The following MDGA2 variants were observed in gnomAD, a reference collection of about 807,000 sequenced individuals.
MDGA2 encodes the protein MAM domain containing glycosylphosphatidylinositol anchor 2.
Under a neutral mutation model 117.8 loss-of-function variants are expected in MDGA2, and 40 were observed. The observed-to-expected ratio is 0.34, with a 90% CI of 0.26 to 0.44. The LOEUF is 0.44. Among genes scored for constraint, MDGA2 ranks in the 20% least tolerant of loss-of-function variants. MDGA2 has a pLI of 1.00. For missense variants in MDGA2, 1,123 were observed against 1,250.6 expected, an observed-to-expected ratio of 0.90 and a Z score of 1.54; for synonymous variants, 452 against 439.0, an observed-to-expected ratio of 1.03 and a Z score of -0.37.
intron 1 of MDGA2, among the ~76,000 whole-genome samples, chr14:47,455,868 G>A (rs1359927124): frequency 5.3e-5 from 8 of 151,802 alleles, no homozygotes; most frequent in Admixed American, 2.6e-4. Context: ...ATAGTGGTGG[G>A]TGCCTGTAAT....
chr14:47,635,650 A>G (rs1594955088), intron 1 of MDGA2, among the ~76,000 whole-genome samples: 1 of 152,330 alleles, frequency 6.6e-6, no homozygotes, highest in East Asian at 1.9e-4. Flanking sequence ...CTGGGTACAA[A>G]GGACTGTGGC....
chr14:47,030,238 C>T (rs983120159), intron 8 of MDGA2, among the ~76,000 whole-genome samples: 6 of 151,974 alleles, frequency 3.9e-5, no homozygotes, highest in African/African-American at 1.5e-4. Context: ...GTTGTTCAGG[C>T]GCAGTGACTC....
At chr14:47,127,720 A>T (rs1182747605) in intron 5 of MDGA2, among the ~76,000 whole-genome samples, 1 of 152,156 alleles carries the variant, frequency 6.6e-6, no homozygotes, top group Non-Finnish European at 1.5e-5. Context: ...TAAAGCTGAA[A>T]GGTTAAATAA....
intron 1 of MDGA2, chr14:47,626,277 T>C (rs796865340): frequency 6.6e-6 from 1 of 152,396 alleles, no homozygotes; most frequent in African/African-American, 2.4e-5. Flanking sequence ...GTCTCCTGAA[T>C]TCTGGACAAC....
At chr14:47,288,393 T>C (rs1226074019) in intron 2 of MDGA2, among the ~76,000 whole-genome samples, 3 of 152,102 alleles carry the variant, frequency 2.0e-5, no homozygotes, top group Non-Finnish European at 4.4e-5. Flanking sequence ...ATGTATCGTA[T>C]CAACACAAAA....
At chr14:47,486,888 G>A (rs1894072297) in intron 1 of MDGA2, among the ~76,000 whole-genome samples, 1 of 152,116 alleles carries the variant, frequency 6.6e-6, no homozygotes, top group African/African-American at 2.4e-5. Flanking sequence ...ACATTGTCCA[G>A]TCTCAGATAT....
chr14:47,430,325 T>G (rs1892774324), intron 1 of MDGA2, among the ~76,000 whole-genome samples: 1 of 152,026 alleles, frequency 6.6e-6, no homozygotes, highest in African/African-American at 2.4e-5. Flanking sequence ...TTCTTTTTGT[T>G]TGTTTGTTTT....
At chr14:47,498,152 G>A (rs1439126357) in intron 1 of MDGA2, among the ~76,000 whole-genome samples, 2 of 152,260 alleles carry the variant, frequency 1.3e-5, no homozygotes, top group East Asian at 1.9e-4. Context: ...AGCAGAAGGA[G>A]CAGAGATGAA....
chr14:47,277,994 G>T (rs1888359116), intron 2 of MDGA2, among the ~76,000 whole-genome samples: 1 of 152,076 alleles, frequency 6.6e-6, no homozygotes, highest in Non-Finnish European at 1.5e-5. Flanking sequence ...CCAGCAGAGG[G>T]GAAAAAGAGT....
At chr14:47,160,070 T>G (rs1290802586) in intron 3 of MDGA2, among the ~76,000 whole-genome samples, 1 of 152,170 alleles carries the variant, frequency 6.6e-6, no homozygotes, top group African/African-American at 2.4e-5. Flanking sequence ...CTAATTTTAT[T>G]TTCTTTTGAT....
At chr14:46,946,908 A>G (rs546718371) in intron 9 of MDGA2, among the ~76,000 whole-genome samples, 1 of 152,072 alleles carries the variant, frequency 6.6e-6, no homozygotes, top group East Asian at 1.9e-4. Flanking sequence ...CCTTCCCCTT[A>G]TATCCTCATA....
chr14:47,200,785 C>T, intron 3 of MDGA2: 1 of 829,448 alleles, frequency 1.2e-6, no homozygotes, highest in Non-Finnish European at 2.0e-6. Context: ...GTTAGGCAAA[C>T]TTTCTTGCAG....
At chr14:47,465,499 C>T (rs907622390) in intron 1 of MDGA2, among the ~76,000 whole-genome samples, 3 of 151,986 alleles carry the variant, frequency 2.0e-5, no homozygotes, top group Non-Finnish European at 4.4e-5. Context: ...AACAAACAAC[C>T]CCATTAAAAT....
At chr14:47,074,525 C>T (rs1196392904) in intron 6 of MDGA2, among the ~76,000 whole-genome samples, 1 of 152,196 alleles carries the variant, frequency 6.6e-6, no homozygotes, top group Non-Finnish European at 1.5e-5. Context: ...TGGTCTCGAT[C>T]TCCTGACCTC....
intron 2 of MDGA2, among the ~76,000 whole-genome samples, chr14:47,227,659 A>T (rs1886554474): frequency 6.6e-6 from 1 of 150,568 alleles, no homozygotes; most frequent in African/African-American, 2.4e-5. Context: ...GTAATGATTA[A>T]AAAAAAAAAT....
At chr14:47,649,215 T>C (rs1024064716) in intron 1 of MDGA2, among the ~76,000 whole-genome samples, 5 of 152,188 alleles carry the variant, frequency 3.3e-5, no homozygotes, top group African/African-American at 1.2e-4. Context: ...AATTGCAACT[T>C]ACTACTGGAA....
chr14:47,354,299 T>TGG (rs1427563846), intron 1 of MDGA2, among the ~76,000 whole-genome samples: 1 of 152,166 alleles, frequency 6.6e-6, no homozygotes, highest in Non-Finnish European at 1.5e-5. Flanking sequence ...CTGTGGGTTT[T>TGG]GGGGTACACA....
chr14:47,340,893 A>G (rs1256863227), intron 1 of MDGA2, among the ~76,000 whole-genome samples: 2 of 152,182 alleles, frequency 1.3e-5, no homozygotes, highest in African/African-American at 2.4e-5. Context: ...TCAAGATCCA[A>G]TGTCATAAAA....
chr14:47,671,795 C>T (rs1424707657), intron 1 of MDGA2, among the ~76,000 whole-genome samples: 1 of 152,176 alleles, frequency 6.6e-6, no homozygotes, highest in Non-Finnish European at 1.5e-5. Flanking sequence ...TAACTTTACA[C>T]TAAATCTTAT....
Sources: gnomAD v4.1 joint callset for allele counts (sites outside exome capture counted in the v4.1 genomes callset) on GRCh38, gnomAD v4.1.1 for gene constraint, MANE v1.5 for transcripts, NCBI Gene and HGNC (gene_info 2026-07-23, HGNC 2026-07-21) for gene names.